FAF1: variants seen among roughly 807,000 people sequenced by gnomAD.
FAF1 encodes Fas associated factor 1, also known as FAS-associated factor 1.
A neutral mutation model predicts 92.5 loss-of-function variants in FAF1; 25 were observed. That is an observed-to-expected ratio of 0.27 (90% CI 0.20 to 0.38). The LOEUF is 0.38. Among genes scored for constraint, FAF1 ranks in the 10% least tolerant of loss-of-function variants. The probability of loss-of-function intolerance (pLI) is 1.00; values close to 1 mark genes in which losing one functional copy is unlikely to be tolerated. For synonymous variants in FAF1, 234 were observed against 273.2 expected, an observed-to-expected ratio of 0.86 and a Z score of 1.42; for missense variants, 636 against 793.3, an observed-to-expected ratio of 0.80 and a Z score of 2.38.
At chr1:50,823,878 GT>G (rs929843654) in intron 2 of FAF1, among the ~76,000 whole-genome samples, 2 of 152,092 alleles carry the variant, frequency 1.3e-5, no homozygotes, top group African/African-American at 4.8e-5. Flanking sequence ...AATTGAAAGG[GT>G]TTCCTTGGAA....
At chr1:50,709,288 T>G (rs1657816834) in intron 6 of FAF1, among the ~76,000 whole-genome samples, 1 of 152,160 alleles carries the variant, frequency 6.6e-6, no homozygotes, top group Non-Finnish European at 1.5e-5. Flanking sequence ...TCCTCTGAAT[T>G]CCTATATCAC....
At chr1:50,632,789 T>C (rs1203050958) in intron 8 of FAF1, among the ~76,000 whole-genome samples, 1 of 152,184 alleles carries the variant, frequency 6.6e-6, no homozygotes, top group Non-Finnish European at 1.5e-5. Flanking sequence ...GTTCTTCTTC[T>C]TCCAGAATTA....
chr1:50,672,026 T>C (rs1452312480), intron 7 of FAF1, among the ~76,000 whole-genome samples: 1 of 147,628 alleles, frequency 6.8e-6, no homozygotes, highest in Non-Finnish European at 1.5e-5. Context: ...TTTCTTTTTT[T>C]TTTTTTTATT....
intron 2 of FAF1, among the ~76,000 whole-genome samples, chr1:50,802,016 A>G (rs954275166): frequency 2.0e-5 from 3 of 152,184 alleles, no homozygotes; most frequent in Non-Finnish European, 4.4e-5. Context: ...TCTTATAAAC[A>G]TTATTTCCTT....
chr1:50,949,691 G>A (rs79696756), intron 1 of FAF1, among the ~76,000 whole-genome samples: 71 of 152,304 alleles, frequency 4.7e-4, no homozygotes, highest in African/African-American at 1.7e-3. Context: ...ACAAAAAAAG[G>A]TGGTGGTTTG....
chr1:50,577,179 C>G (rs1650789562), intron 12 of FAF1, among the ~76,000 whole-genome samples: 1 of 152,160 alleles, frequency 6.6e-6, no homozygotes, highest in African/African-American at 2.4e-5. Context: ...CTGTTATTTG[C>G]CTAAGTTTTT....
At chr1:50,611,166 T>C (rs1344969233) in intron 8 of FAF1, among the ~76,000 whole-genome samples, 1 of 152,240 alleles carries the variant, frequency 6.6e-6, no homozygotes, top group Non-Finnish European at 1.5e-5. Context: ...CTTTGTTAAT[T>C]CTTTTGTGTC....
chr1:50,646,784 GCA>G (rs1429013911), intron 8 of FAF1, among the ~76,000 whole-genome samples: 1 of 152,152 alleles, frequency 6.6e-6, no homozygotes, highest in Non-Finnish European at 1.5e-5. Flanking sequence ...TTAAGGGCCA[GCA>G]CAGTTACTGG....
At chr1:50,522,405 T>G (rs1283888671) in intron 15 of FAF1, among the ~76,000 whole-genome samples, 1 of 152,198 alleles carries the variant, frequency 6.6e-6, no homozygotes, top group Non-Finnish European at 1.5e-5. Flanking sequence ...AATTACTATC[T>G]CTTAAGATTA....
At chr1:50,787,776 T>C (rs1203036598) in intron 4 of FAF1, among the ~76,000 whole-genome samples, 1 of 152,210 alleles carries the variant, frequency 6.6e-6, no homozygotes, top group Admixed American at 6.5e-5. Flanking sequence ...CAGCATTGTA[T>C]ACCATTCTAC....
At position 50,957,157 on chromosome 1, in the gene FAF1, ATT is replaced by A. The variant is rs548013529; in HGVS notation, c.45+2608_45+2609del. 1.8e-4 allele frequency among the ~76,000 whole-genome samples: 27 copies of A among 152,160 alleles called. No individual in the cohort carries two copies. The South Asian group carries it at 4.4e-3, about 25-fold the overall frequency. On this transcript the variant is annotated intron_variant, in intron 1 of 18. Coordinates refer to ENST00000396153, the MANE Select transcript of FAF1 (RefSeq NM_007051.3). ...TTTAAGGTGTGTAGTTTTCCAAATAATTTTTTCTTCTATCAATAACATTCTTT... is the reference window on the plus strand; with the variant it reads ...TTTAAGGTGTGTAGTTTTCCAAATAATTTTCTTCTATCAATAACATTCTTT...
chr1:50,556,238 C>CAAAAA (rs34420030), intron 13 of FAF1, among the ~76,000 whole-genome samples: 20 of 73,782 alleles, frequency 2.7e-4, no homozygotes, highest in African/African-American at 4.2e-4. Flanking sequence ...ACTCCATCTC[C>CAAAAA]AAAAAAAAAA....
intron 3 of FAF1, among the ~76,000 whole-genome samples, chr1:50,800,871 T>C (rs1661964203): frequency 6.6e-6 from 1 of 152,122 alleles, no homozygotes; most frequent in Non-Finnish European, 1.5e-5. Context: ...TTCAAGCCAA[T>C]GTTTGAATTG....
rs551860912 is a variant in FAF1 at position 50,924,724 on chromosome 1, T to G, written c.45+35043A>C. Among the ~76,000 whole-genome samples the G allele has an allele frequency of 3.3e-5, 5 of 152,300 alleles. No homozygotes were observed. The South Asian group carries it at 1.0e-3, about 32-fold the overall frequency. ...TAGGCTAGGCACAGTGGCTCACGCCTGTAAACCCAGCACTTTGGGAGGCTG... is the reference window on the plus strand; with the variant it reads ...TAGGCTAGGCACAGTGGCTCACGCCGGTAAACCCAGCACTTTGGGAGGCTG... On this transcript the variant is annotated intron_variant, in intron 1 of 18. Transcript: ENST00000396153.
At position 50,542,629 on chromosome 1, in the gene FAF1, T is replaced by C. The variant is rs1010378146; in HGVS notation, c.1269-2901A>G. ...TTCATCAGAGTTAGATGTCATAAAG[T>C]GATAAATGGTTTCCATAAGTAAATT... On this transcript the variant is annotated intron_variant, in intron 13 of 18. Coordinates refer to ENST00000396153, the MANE Select transcript of FAF1 (RefSeq NM_007051.3). Among the ~76,000 whole-genome samples the C allele has an allele frequency of 3.9e-5, 6 of 152,298 alleles. No individual in the cohort carries two copies. In the East Asian group the frequency reaches 9.7e-4, roughly 25 times the overall value.
chr1:50,771,204 T>A (rs1301000134), intron 4 of FAF1, among the ~76,000 whole-genome samples: 8 of 152,132 alleles, frequency 5.3e-5, no homozygotes, highest in South Asian at 4.1e-4. Context: ...AAAGATTTCA[T>A]AACAAAGACA....
chr1:50,484,452 T>C (rs1646739819), intron 17 of FAF1, among the ~76,000 whole-genome samples: 1 of 152,148 alleles, frequency 6.6e-6, no homozygotes, highest in South Asian at 2.1e-4. Flanking sequence ...TATACATATA[T>C]ATATAGTCTC....
rs879767199 is a variant in FAF1 at position 50,813,809 on chromosome 1, T to TA, written c.115-12133dup. Among the ~76,000 whole-genome samples the TA allele has an allele frequency of 1.9e-3, 273 of 144,902 alleles. 2 individuals carry two copies. Among genetic ancestry groups the TA allele is most frequent in the African/African-American group, 4.2e-3 (166 of 39,644 alleles). On this transcript the variant is annotated intron_variant, in intron 2 of 18. Coordinates refer to ENST00000396153, the MANE Select transcript of FAF1 (RefSeq NM_007051.3). ...CTCAGAATAAATCCACAGCTTCATTTAAAAAAAAAAAATGACCTAGCAATT... is the reference window on the plus strand; with the variant it reads ...CTCAGAATAAATCCACAGCTTCATTTAAAAAAAAAAAAATGACCTAGCAATT...
chr1:50,486,209 T>A (rs775870204), intron 17 of FAF1, among the ~76,000 whole-genome samples: 2 of 152,184 alleles, frequency 1.3e-5, no homozygotes, highest in Admixed American at 6.6e-5. Context: ...AGGAAACAGT[T>A]TGGGTAGACA....
Sources: allele counts gnomAD v4.1 joint callset (sites outside exome capture counted in the v4.1 genomes callset), GRCh38; gene constraint gnomAD v4.1.1; transcripts MANE v1.5; gene names NCBI Gene and HGNC (gene_info 2026-07-23, HGNC 2026-07-21).